The following RSRC1 variants were observed in gnomAD, a reference collection of about 807,000 sequenced individuals.
RSRC1 encodes the protein arginine and serine rich coiled-coil 1.
In RSRC1, 39 loss-of-function variants were observed where a neutral mutation model predicts 49.1. That is an observed-to-expected ratio of 0.79 (90% CI 0.61 to 1.04). The LOEUF (loss-of-function observed/expected upper bound fraction) is 1.04. Ranked by LOEUF, RSRC1 falls within the 50% of genes least tolerant of loss-of-function variation. The pLI is 0.00. For synonymous variants in RSRC1, 143 were observed against 130.8 expected (o/e 1.09, Z -0.63); for missense variants, 388 against 402.4 (o/e 0.96, Z 0.31).
intron 7 of RSRC1, among the ~76,000 whole-genome samples, chr3:158,473,129 A>T (rs1421692213): frequency 6.6e-6 from 1 of 152,212 alleles, no homozygotes; most frequent in Admixed American, 6.5e-5. Flanking sequence ...ATCTAGAACT[A>T]GAAATACCAT....
chr3:158,270,203 A>G (rs1725427742), intron 4 of RSRC1, among the ~76,000 whole-genome samples: 1 of 151,704 alleles, frequency 6.6e-6, no homozygotes, highest in Non-Finnish European at 1.5e-5. Context: ...GATCCATCAT[A>G]CTCCCTGCTG....
chr3:158,541,587 CTG>C (rs929721269), intron 8 of RSRC1, among the ~76,000 whole-genome samples: 49 of 152,064 alleles, frequency 3.2e-4, no homozygotes, highest in Non-Finnish European at 3.5e-4. Context: ...ATTTTATCCT[CTG>C]TATATTTTTC....
chr3:158,200,242 G>A (rs1720960259), intron 3 of RSRC1, among the ~76,000 whole-genome samples: 1 of 152,100 alleles, frequency 6.6e-6, no homozygotes, highest in African/African-American at 2.4e-5. Context: ...GTTTCACCAT[G>A]TTAGCCCGGA....
intron 3 of RSRC1, among the ~76,000 whole-genome samples, chr3:158,201,193 C>A (rs1419321204): frequency 6.6e-6 from 1 of 151,962 alleles, no homozygotes; most frequent in East Asian, 1.9e-4. Flanking sequence ...TTCTGATTTC[C>A]ATTATTTTTG....
At chr3:158,400,850 C>T (rs776827125) in intron 6 of RSRC1, among the ~76,000 whole-genome samples, 3 of 151,802 alleles carry the variant, frequency 2.0e-5, no homozygotes, top group Non-Finnish European at 4.4e-5. Context: ...ATTGTAATGC[C>T]CTAGGCCTTC....
chr3:158,198,004 G>T (rs1402916263), intron 3 of RSRC1, among the ~76,000 whole-genome samples: 3 of 152,082 alleles, frequency 2.0e-5, no homozygotes, highest in Non-Finnish European at 4.4e-5. Flanking sequence ...ATGTCTATTA[G>T]GTCGGCTTGG....
chr3:158,358,268 T>A (rs1731267056), intron 6 of RSRC1, among the ~76,000 whole-genome samples: 1 of 152,230 alleles, frequency 6.6e-6, no homozygotes, highest in Non-Finnish European at 1.5e-5. Context: ...TTTCTTTGAC[T>A]CTTTTATAGG....
At chr3:158,457,134 T>C (rs1737368684) in intron 6 of RSRC1, among the ~76,000 whole-genome samples, 1 of 152,138 alleles carries the variant, frequency 6.6e-6, no homozygotes, top group African/African-American at 2.4e-5. Flanking sequence ...GAGGGTTCAT[T>C]GGAAGTACTC....
intron 4 of RSRC1, among the ~76,000 whole-genome samples, chr3:158,289,827 A>G (rs2108100104): frequency 6.6e-6 from 1 of 152,296 alleles, no homozygotes; most frequent in South Asian, 2.1e-4. Flanking sequence ...CCAACACTGT[A>G]CCTTCTTGCA....
At chr3:158,415,283 T>C (rs192491877) in intron 6 of RSRC1, among the ~76,000 whole-genome samples, 67 of 152,218 alleles carry the variant, frequency 4.4e-4, no homozygotes, top group Admixed American at 3.7e-3. Flanking sequence ...GTTATATAGC[T>C]TTTTTTGTGT....
chr3:158,524,551 A>G (rs1481435675), intron 7 of RSRC1, among the ~76,000 whole-genome samples: 1 of 152,036 alleles, frequency 6.6e-6, no homozygotes, highest in Non-Finnish European at 1.5e-5. Flanking sequence ...TTTCAAACTG[A>G]TGTCTTACCC....
At chr3:158,316,843 G>A (rs1728493254) in intron 5 of RSRC1, among the ~76,000 whole-genome samples, 1 of 151,966 alleles carries the variant, frequency 6.6e-6, no homozygotes, top group Non-Finnish European at 1.5e-5. Context: ...CCTTAATTCT[G>A]GCCCTAAATC....
intron 4 of RSRC1, among the ~76,000 whole-genome samples, chr3:158,226,322 C>A (rs1451704962): frequency 6.6e-6 from 1 of 151,920 alleles, no homozygotes; most frequent in African/African-American, 2.4e-5. Flanking sequence ...TTAGCAGAAC[C>A]TAATAGGGAG....
intron 7 of RSRC1, among the ~76,000 whole-genome samples, chr3:158,509,123 A>G (rs1740021539): frequency 6.6e-6 from 1 of 152,124 alleles, no homozygotes; most frequent in South Asian, 2.1e-4. Context: ...AGAGTTGTAT[A>G]GTTTTAGGTT....
At chr3:158,481,584 T>C (rs1296854208) in intron 7 of RSRC1, among the ~76,000 whole-genome samples, 1 of 152,064 alleles carries the variant, frequency 6.6e-6, no homozygotes, top group Non-Finnish European at 1.5e-5. Flanking sequence ...TTTAATCATA[T>C]CAGCTGAATT....
rs1730054 is a variant in RSRC1, at chr3:158,237,129, A to T, written c.494+33884A>T. Among the ~76,000 whole-genome samples the T allele has an allele frequency of 3.7e-3, 564 of 152,042 alleles. 7 individuals are homozygous for T. Among genetic ancestry groups the T allele is most frequent in the Middle Eastern group, 6.8e-3 (2 of 294 alleles). On this transcript the variant is annotated intron_variant, in intron 4 of 9. Transcript: ENST00000611884. Reference sequence around the variant, plus strand: ...GTATGACAAGAATGACCTAAATCTTATGATCAGCTTTGACAAAGGATATTT... The same window carrying T: ...GTATGACAAGAATGACCTAAATCTTTTGATCAGCTTTGACAAAGGATATTT...
chr3:158,453,051 A>G (rs558673476), intron 6 of RSRC1, among the ~76,000 whole-genome samples: 2 of 152,174 alleles, frequency 1.3e-5, no homozygotes, highest in East Asian at 3.9e-4. Flanking sequence ...TGTCTTGAAA[A>G]TCTTTCCATA....
intron 7 of RSRC1, among the ~76,000 whole-genome samples, chr3:158,526,705 G>A (rs1712046960): frequency 6.6e-6 from 1 of 151,958 alleles, no homozygotes; most frequent in Non-Finnish European, 1.5e-5. Context: ...TAAGGCACAT[G>A]GGGCCATAGA....
At chr3:158,330,398 T>G (rs1252983278) in intron 5 of RSRC1, among the ~76,000 whole-genome samples, 1 of 152,350 alleles carries the variant, frequency 6.6e-6, no homozygotes, top group Non-Finnish European at 1.5e-5. Context: ...GTACGTATCT[T>G]AAATAATTGC....
Sources: gnomAD v4.1 joint callset for allele counts (sites outside exome capture counted in the v4.1 genomes callset) on GRCh38, gnomAD v4.1.1 for gene constraint, MANE v1.5 for transcripts, NCBI Gene and HGNC (gene_info 2026-07-23, HGNC 2026-07-21) for gene names.